Variants in SGSM1 observed in about 807,000 individuals in gnomAD.
The protein encoded by SGSM1 is RUN and TBC1 domain containing 2.
SGSM1 carries 73 observed loss-of-function variants against 133.8 expected under a neutral mutation model. That is an observed-to-expected ratio of 0.55 (90% CI 0.45 to 0.66). The LOEUF (loss-of-function observed/expected upper bound fraction) is 0.66, where lower values mean the gene tolerates loss of function less well. Among genes scored for constraint, SGSM1 ranks in the 30% least tolerant of loss-of-function variants. SGSM1 has a pLI of 0.00. For synonymous variants in SGSM1, 563 were observed against 573.0 expected (o/e 0.98, Z 0.25); for missense variants, 1,213 against 1,448.1 (o/e 0.84, Z 2.64).
chr22:24,814,806 T>TC (rs1927970223), intron 2 of SGSM1, among the ~76,000 whole-genome samples: 1 of 152,218 alleles, frequency 6.6e-6, no homozygotes, highest in Non-Finnish European at 1.5e-5. Flanking sequence ...GCTGTGGAAT[T>TC]TAGTCAGAAG....
Position 24,855,216 on chromosome 22 carries a change from C to T in SGSM1, c.524-69C>T, listed in dbSNP as rs553260571. On this transcript the variant is annotated intron_variant, in intron 6 of 24. Transcript: ENST00000400358. ...GAGGGGAGGGTAGTGAGATGGGCGG[C>T]CATCTGCTGGTAGACATGCGGGAGG... 45 of 1,561,558 alleles carry T rather than the reference C, an allele frequency of 2.9e-5. No homozygotes were observed. The South Asian group carries it at 5.0e-4, about 18-fold the overall frequency.
At chr22:24,864,299 C>A (rs1931326895) in intron 9 of SGSM1, among the ~76,000 whole-genome samples, 1 of 152,096 alleles carries the variant, frequency 6.6e-6, no homozygotes, top group Non-Finnish European at 1.5e-5. Flanking sequence ...TGTGACCCAG[C>A]AATTCTGCTC....
In SGSM1 at chr22:24,855,450, G is replaced by A. The variant is rs1194385774; in HGVS notation, c.669+20G>A. On this transcript the variant is annotated intron_variant, in intron 7 of 24. Coordinates refer to ENST00000400358, the MANE Select transcript of SGSM1 (RefSeq NM_001098497.3). ...CTCTGTGTGAGTGGGGTGGACAGTG[G>A]GGCAGTGGGAGGGACCTTACATGAG... 1.2e-6 allele frequency: 2 copies of A among 1,613,318 alleles called. No individual in the cohort carries two copies. The highest frequency in any genetic ancestry group is 1.7e-6 in the Non-Finnish European group (2 of 1,179,770).
chr22:24,849,858 A>G (rs140135538), intron 4 of SGSM1, among the ~76,000 whole-genome samples: 21 of 152,344 alleles, frequency 1.4e-4, no homozygotes, highest in African/African-American at 4.8e-4. Flanking sequence ...TGGCTGGATC[A>G]TGGAGTCATA....
At chr22:24,831,828 C>T (rs1929136178) in intron 2 of SGSM1, among the ~76,000 whole-genome samples, 1 of 152,232 alleles carries the variant, frequency 6.6e-6, no homozygotes, top group South Asian at 2.1e-4. Flanking sequence ...CCCCAACGCC[C>T]CAACCTAGCG....
chr22:24,877,438 A>T (rs1289397045), intron 13 of SGSM1, among the ~76,000 whole-genome samples: 1 of 152,066 alleles, frequency 6.6e-6, no homozygotes, highest in African/African-American at 2.4e-5. Flanking sequence ...CTGTTTGCCC[A>T]TAGATCCTTT....
intron 3 of SGSM1, among the ~76,000 whole-genome samples, chr22:24,846,599 C>T (rs1233509991): frequency 1.3e-5 from 2 of 152,138 alleles, no homozygotes; most frequent in Non-Finnish European, 2.9e-5. Context: ...TTTGATGGCA[C>T]TAAATGAAGC....
chr22:24,859,659 C>T (rs748600030), intron 8 of SGSM1, 57 bp from the exon 9 acceptor site: 15 of 1,609,654 alleles, frequency 9.3e-6, no homozygotes, highest in Non-Finnish European at 1.1e-5. Context: ...GGGCCAGGAC[C>T]TATGTCCACA....
intron 12 of SGSM1, among the ~76,000 whole-genome samples, chr22:24,873,896 C>T (rs569019024): frequency 1.2e-4 from 19 of 152,078 alleles, no homozygotes; most frequent in South Asian, 8.3e-4. Flanking sequence ...GATCTTGGCT[C>T]CTCTCCTCAT....
rs576074912 is a variant in SGSM1, at chr22:24,898,202, T to C, written c.2253T>C (p.Pro751=). The change falls in exon 19 of 25, where the codon CCT becomes CCC. Residue 751 remains proline (P), a synonymous_variant. Coordinates refer to ENST00000400358, the MANE Select transcript of SGSM1 (RefSeq NM_001098497.3). ...GGAACACCCCCACGGTGCTGCGACC[T>C]AGGGATGGCAGCGTGGATGACAGGC... ...AQRNTPTVLR[P]RDGSVDDRQS... The C allele has an allele frequency of 1.9e-5, 30 of 1,613,616 alleles. No individual in the cohort carries two copies. The highest frequency in any genetic ancestry group is 3.3e-4 in the Middle Eastern group (2 of 6,062).
chr22:24,924,312 CT>C lies in SGSM1; in HGVS notation c.*39del. On this transcript the variant is annotated 3_prime_UTR_variant, in exon 25 of 25. Transcript: ENST00000400358. The stretch of plus-strand genomic sequence containing the variant: ...CCCGGCAGCCTCAGCCAAGCTGCCC[CT>C]GCCCCGCTCCTCTGCTTACTTTTCC... 1 of 1,563,634 alleles carries C rather than the reference CT, an allele frequency of 6.4e-7. No homozygotes were observed. The highest frequency in any genetic ancestry group is 2.2e-5 in the East Asian group (1 of 44,576).
chr22:24,919,040 CTTTTTTTT>C (rs143985087), intron 23 of SGSM1, among the ~76,000 whole-genome samples: 3 of 71,778 alleles, frequency 4.2e-5, no homozygotes, highest in African/African-American at 1.3e-4. Context: ...CACACCCGGC[CTTTTTTTT>C]TTTTTTTTTT....
At chr22:24,886,569 CAA>C (rs1932614054) in intron 15 of SGSM1, 29 bp from the exon 16 acceptor site, 1 of 1,547,550 alleles carries the variant, frequency 6.5e-7, no homozygotes, top group East Asian at 2.5e-5. Context: ...TTCTGTTGAC[CAA>C]ACTCTTTGCT....
At chr22:24,815,108 T>C (rs1386658653) in intron 2 of SGSM1, among the ~76,000 whole-genome samples, 3 of 152,252 alleles carry the variant, frequency 2.0e-5, no homozygotes, top group Admixed American at 6.5e-5. Context: ...TAGATTTCTA[T>C]GTTTTTTCTT....
intron 15 of SGSM1, 115 bp from the exon 16 acceptor site, chr22:24,886,485 C>T: frequency 1.5e-6 from 2 of 1,361,696 alleles, no homozygotes; most frequent in Non-Finnish European, 2.0e-6. Context: ...GGGCAGATCA[C>T]TGAAGGTCAG....
intron 14 of SGSM1, among the ~76,000 whole-genome samples, chr22:24,880,815 A>C (rs61351937): frequency 0.045 from 6,840 of 152,280 alleles, 509 homozygotes; most frequent in African/African-American, 0.16. Context: ...TTCTGGAGCG[A>C]GGTGACCTGG....
intron 21 of SGSM1, among the ~76,000 whole-genome samples, chr22:24,909,744 C>A (rs1186498808): frequency 1.3e-5 from 2 of 152,082 alleles, no homozygotes; most frequent in Non-Finnish European, 2.9e-5. Flanking sequence ...GCGTGAGCGA[C>A]CATGCCTGGC....
In SGSM1 at chr22:24,897,991, A is replaced by C. The variant is rs1204588300; in HGVS notation, c.2042A>C (p.Glu681Ala). Residue 681 changes from glutamate (E) to alanine (A), a missense_variant, in exon 19 of 25, where the codon GAG becomes GCG. Physicochemically the swap from Glu to Ala is moderately radical, Grantham distance 107 (BLOSUM62 -1). Coordinates refer to ENST00000400358, the MANE Select transcript of SGSM1 (RefSeq NM_001098497.3). ...SSTQVFESVDEVEQVEAEGRL... is the reference protein window; with the variant it reads ...SSTQVFESVDAVEQVEAEGRL... ...CCTCAGGTGTTTGAGTCTGTGGATG[A>C]GGTGGAGCAGGTGGAGGCTGAAGGC... is the stretch of plus-strand genomic sequence containing the variant. 12 of 1,603,606 alleles carry C rather than the reference A, an allele frequency of 7.5e-6. No individual in the cohort carries two copies. Among genetic ancestry groups the C allele is most frequent in the Middle Eastern group, 1.7e-4 (1 of 6,048 alleles).
rs140760770 is a variant in SGSM1 at position 24,841,744 on chromosome 22, A to G, written c.64-3153A>G. On this transcript the variant is annotated intron_variant, in intron 2 of 24. Transcript: ENST00000400358. ...AACCAACATATTTGACTGAATCTTT[A>G]GAAGTTGGTGCTGTTTTTTGTTTGT... 3.5e-3 allele frequency among the ~76,000 whole-genome samples: 535 copies of G among 152,306 alleles called. 5 individuals carry two copies. The highest frequency in any genetic ancestry group is 0.012 in the African/African-American group (499 of 41,568).
Sources: gnomAD v4.1 joint callset for allele counts (sites outside exome capture counted in the v4.1 genomes callset) on GRCh38, gnomAD v4.1.1 for gene constraint, MANE v1.5 for transcripts, NCBI Gene and HGNC (gene_info 2026-07-23, HGNC 2026-07-21) for gene names.